The following IL1RAP variants were observed in gnomAD, a reference collection of about 807,000 sequenced individuals.
IL1RAP encodes interleukin 1 receptor accessory protein.
A neutral mutation model predicts 60.7 loss-of-function variants in IL1RAP; 35 were observed. The observed-to-expected ratio is 0.58, with a 90% CI of 0.44 to 0.76. IL1RAP has a LOEUF of 0.76. Among genes scored for constraint, IL1RAP ranks in the 30% least tolerant of loss-of-function variants. IL1RAP has a pLI of 0.00. For missense variants in IL1RAP, 572 were observed against 693.9 expected (o/e 0.82, Z 1.97); for synonymous variants, 268 against 250.9 (o/e 1.07, Z -0.64).
intron 4 of IL1RAP, among the ~76,000 whole-genome samples, chr3:190,605,616 T>C (rs1163576128): frequency 2.0e-5 from 3 of 152,168 alleles, no homozygotes; most frequent in Non-Finnish European, 4.4e-5. Flanking sequence ...CTCACAGTTC[T>C]GGAGGCTGGA....
Position 190,608,641 on chromosome 3 carries a change from C to A in IL1RAP, c.351-354C>A, listed in dbSNP as rs138598811. On this transcript the variant is annotated intron_variant, in intron 4 of 11. Transcript: ENST00000447382. ...ATTACATCAATAAACAATAGAAATT[C>A]TTGAGCTCTATTAAAATTTTATGAA... Among the ~76,000 whole-genome samples the A allele has an allele frequency of 1.7e-3, 261 of 150,922 alleles. 2 individuals are homozygous for A. The highest frequency in any genetic ancestry group is 5.9e-3 in the African/African-American group (239 of 40,686).
chr3:190,573,109 C>A (rs1480616469), intron 3 of IL1RAP, among the ~76,000 whole-genome samples: 1 of 52,098 alleles, frequency 1.9e-5, no homozygotes, highest in South Asian at 4.8e-4. Context: ...GTGATCCGCC[C>A]GCCTCGGCCT....
At chr3:190,602,582 A>G (rs1027242169) in intron 3 of IL1RAP, among the ~76,000 whole-genome samples, 30 of 152,162 alleles carry the variant, frequency 2.0e-4, no homozygotes, top group Non-Finnish European at 4.4e-5. Flanking sequence ...AAGTTCAAGG[A>G]AAAAAAGAAA....
intron 3 of IL1RAP, among the ~76,000 whole-genome samples, chr3:190,577,132 A>G (rs1266875121): frequency 6.6e-6 from 1 of 151,784 alleles, no homozygotes; most frequent in Non-Finnish European, 1.5e-5. Flanking sequence ...GGATTGTTAC[A>G]ATAAGTAACA....
chr3:190,520,769 C>CA (rs1721949866), intron 1 of IL1RAP, among the ~76,000 whole-genome samples: 1 of 152,162 alleles, frequency 6.6e-6, no homozygotes, highest in South Asian at 2.1e-4. Flanking sequence ...CTTTCTGGCA[C>CA]AAAAGTCCTC....
At chr3:190,569,767 G>A (rs1357982453) in intron 3 of IL1RAP, among the ~76,000 whole-genome samples, 1 of 152,100 alleles carries the variant, frequency 6.6e-6, no homozygotes, top group Non-Finnish European at 1.5e-5. Context: ...TCTAAGTTTA[G>A]AAAAATGACC....
At chr3:190,603,428 C>T (rs1730026893) in intron 3 of IL1RAP, among the ~76,000 whole-genome samples, 1 of 152,054 alleles carries the variant, frequency 6.6e-6, no homozygotes, top group Non-Finnish European at 1.5e-5. Context: ...CTCTTGATTT[C>T]TTGAGGTCTA....
At chr3:190,655,558 CGTGTGTGTGT>C (rs34341875), downstream of IL1RAP, among the ~76,000 whole-genome samples, 1,972 of 131,146 alleles carry the variant, frequency 0.015, 39 homozygotes, top group African/African-American at 0.045. Context: ...AATTGCCCAC[CGTGTGTGTGT>C]GTGTGTGTGT....
At chr3:190,526,602 A>G (rs1282315352) in intron 1 of IL1RAP, among the ~76,000 whole-genome samples, 1 of 152,168 alleles carries the variant, frequency 6.6e-6, no homozygotes, top group East Asian at 1.9e-4. Flanking sequence ...AACATCTCTA[A>G]ACCTCTTTCT....
intron 1 of IL1RAP, among the ~76,000 whole-genome samples, chr3:190,532,261 CTTT>C (rs370264409): frequency 7.8e-5 from 10 of 128,262 alleles, no homozygotes; most frequent in African/African-American, 1.2e-4. Context: ...AATCATCTTT[CTTT>C]TTTTTTTTTT....
chr3:190,648,547 A>G lies in IL1RAP; in HGVS notation c.1555A>G (p.Thr519Ala), dbSNP rs747086086. Reference sequence around the variant, plus strand: ...GGTGAAAGAGCTGAAGAGGGCTAAGACGGTGCTCACGGTCATTAAATGGAA... The same window carrying G: ...GGTGAAAGAGCTGAAGAGGGCTAAGGCGGTGCTCACGGTCATTAAATGGAA... ...TKVKELKRAK[T>A]VLTVIKWKGE... Residue 519 changes from threonine (T) to alanine (A), a missense_variant, in exon 12 of 12, where the codon ACG becomes GCG. Transcript: ENST00000447382. The G allele has an allele frequency of 6.2e-7, 1 of 1,614,132 alleles. No individual in the cohort carries two copies. Among genetic ancestry groups the G allele is most frequent in the Admixed American group, 1.7e-5 (1 of 60,014 alleles).
chr3:190,579,702 C>T (rs112968349), intron 3 of IL1RAP, among the ~76,000 whole-genome samples: 14 of 152,140 alleles, frequency 9.2e-5, no homozygotes, highest in Admixed American at 8.5e-4. Context: ...CACCCCAAAA[C>T]GAAGCCCTGA....
rs867246737 is a variant in IL1RAP at position 190,573,053 on chromosome 3, C to T, written c.64+8700C>T. Among the ~76,000 whole-genome samples, 6 of 44,226 alleles carry T rather than the reference C, an allele frequency of 1.4e-4. 1 individual carries two copies. The highest frequency in any genetic ancestry group is 1.1e-3 in the East Asian group (3 of 2,614). The allele number at this position is 44,226 out of a possible 152,430, so 29.0% of individuals were successfully genotyped here. A position where few individuals can be genotyped will look rare whatever the true frequency, so the allele number is the denominator to read the frequency against. On this transcript the variant is annotated intron_variant, in intron 3 of 11. Transcript: ENST00000447382. ...TAATTTTTTGTATTTTTAGTAGAGA[C>T]GGGGTTTCACCGTTTTAGCCGGGAT...
chr3:190,528,494 T>C (rs1722698814), intron 1 of IL1RAP, among the ~76,000 whole-genome samples: 1 of 152,182 alleles, frequency 6.6e-6, no homozygotes, highest in Non-Finnish European at 1.5e-5. Context: ...AACACTGGGT[T>C]TCAGTTGCCT....
At chr3:190,537,740 C>T (rs2108553566) in intron 1 of IL1RAP, among the ~76,000 whole-genome samples, 1 of 152,224 alleles carries the variant, frequency 6.6e-6, no homozygotes, top group Non-Finnish European at 1.5e-5. Flanking sequence ...TTAATTTTTA[C>T]AGCTGAAATG....
chr3:190,555,805 T>C (rs1725363762), intron 1 of IL1RAP: 1 of 152,206 alleles, frequency 6.6e-6, no homozygotes, highest in Admixed American at 6.5e-5. Flanking sequence ...TTAAAAGTAG[T>C]GTTTGACCAT....
Position 190,592,790 on chromosome 3 carries a change from AG to A in IL1RAP, c.65-11336del, listed in dbSNP as rs1729055177. On this transcript the variant is annotated intron_variant, in intron 3 of 11. Transcript: ENST00000447382. ...TTATAATTCTGAATTTAAACTTCGT[AG>A]GATTGGTTGTTTTCATCCGTCAGGG... Among the ~76,000 whole-genome samples, 5 of 152,334 alleles carry A rather than the reference AG, an allele frequency of 3.3e-5. No individual in the cohort carries two copies. The South Asian group carries it at 1.0e-3, about 32-fold the overall frequency.
At chr3:190,602,042 C>T (rs1236102813) in intron 3 of IL1RAP, among the ~76,000 whole-genome samples, 1 of 152,082 alleles carries the variant, frequency 6.6e-6, no homozygotes, top group Non-Finnish European at 1.5e-5. Flanking sequence ...GAGATAGACT[C>T]TTGATTGGAA....
chr3:190,639,311 G>T (rs959877533), intron 9 of IL1RAP, among the ~76,000 whole-genome samples: 1 of 152,034 alleles, frequency 6.6e-6, no homozygotes, highest in African/African-American at 2.4e-5. Context: ...CACTGATCTC[G>T]TTATTTTTAT....
Sources: allele counts gnomAD v4.1 joint callset (sites outside exome capture counted in the v4.1 genomes callset), GRCh38; gene constraint gnomAD v4.1.1; transcripts MANE v1.5; gene names NCBI Gene and HGNC (gene_info 2026-07-23, HGNC 2026-07-21).